The following PHLPP1 variants were observed in gnomAD, a reference collection of about 807,000 sequenced individuals.
PHLPP1 encodes PH domain leucine-rich repeat-containing protein phosphatase 1.
PHLPP1 carries 42 observed loss-of-function variants against 117.2 expected under a neutral mutation model. The ratio of observed to expected loss-of-function variants is 0.36; its 90% CI spans 0.28 to 0.46. PHLPP1 has a LOEUF of 0.46. Among genes scored for constraint, PHLPP1 ranks in the 20% least tolerant of loss-of-function variants. The probability of loss-of-function intolerance (pLI) is 1.00; values close to 1 mark genes in which losing one functional copy is unlikely to be tolerated. For synonymous variants in PHLPP1, 1,042 were observed against 970.7 expected, an observed-to-expected ratio of 1.07 and a Z score of -1.37; for missense variants, 2,084 against 2,241.9, an observed-to-expected ratio of 0.93 and a Z score of 1.42.
intron 1 of PHLPP1, among the ~76,000 whole-genome samples, chr18:62,812,869 C>T (rs1357145756): frequency 1.3e-5 from 2 of 152,074 alleles, no homozygotes; most frequent in Non-Finnish European, 2.9e-5. Context: ...GAAGCTAAAC[C>T]TACGGAACTG....
chr18:62,789,367 TAGCTGTATTGATCAA>T (rs1913391585), intron 1 of PHLPP1, among the ~76,000 whole-genome samples: 1 of 152,244 alleles, frequency 6.6e-6, no homozygotes, highest in Non-Finnish European at 1.5e-5. Context: ...GTGTTGTGTG[TAGCTGTATTGATCAA>T]ATGACAGATT....
chr18:62,956,656 T>G (rs896686658), intron 12 of PHLPP1, among the ~76,000 whole-genome samples: 1 of 152,170 alleles, frequency 6.6e-6, no homozygotes, highest in African/African-American at 2.4e-5. Flanking sequence ...ACCCTGGGTG[T>G]GTTAGGGTGG....
intron 4 of PHLPP1, among the ~76,000 whole-genome samples, chr18:62,866,986 A>G (rs1338314562): frequency 6.6e-6 from 1 of 152,162 alleles, no homozygotes; most frequent in African/African-American, 2.4e-5. Context: ...TCTGCAGGTT[A>G]GCCCTATTTT....
At chr18:62,961,750 T>G (rs1447458566) in intron 13 of PHLPP1, among the ~76,000 whole-genome samples, 1 of 152,238 alleles carries the variant, frequency 6.6e-6, no homozygotes, top group Non-Finnish European at 1.5e-5. Flanking sequence ...AGCTCCAGCC[T>G]TATTGTAAAA....
chr18:62,881,393 T>G (rs1188761208), intron 4 of PHLPP1, among the ~76,000 whole-genome samples: 1 of 152,246 alleles, frequency 6.6e-6, no homozygotes, highest in Non-Finnish European at 1.5e-5. Context: ...TGAAAAATTA[T>G]GAGTTTTAGC....
Position 62,715,940 on chromosome 18 carries a change from G to A in PHLPP1, c.257G>A (p.Arg86Lys). 1 of 1,150,488 alleles carries A rather than the reference G, an allele frequency of 8.7e-7. No homozygotes were observed. Among genetic ancestry groups the A allele is most frequent in the Non-Finnish European group, 1.1e-6 (1 of 934,158 alleles). The allele number at this position is 1,150,488 out of a possible 1,614,324, so 71.3% of individuals were successfully genotyped here. A position where few individuals can be genotyped will look rare whatever the true frequency, so the allele number is the denominator to read the frequency against. ...GCGCCGCCGGGGCCGCTGCCGGGCA[G>A]AGCGGGGGGTGCCGGGCGCAGGAGG... ...GEAPPGPLPGRAGGAGRRRRR... is the reference protein window; with the variant it reads ...GEAPPGPLPGKAGGAGRRRRR... Residue 86 changes from arginine (R) to lysine (K), a missense_variant, in exon 1 of 17, where the codon AGA (arginine) becomes AAA (lysine). By Grantham distance (26) the Arg-to-Lys change is conservative. Transcript: ENST00000262719.
chr18:62,917,349 A>G (rs1463687156), intron 9 of PHLPP1, among the ~76,000 whole-genome samples: 1 of 151,142 alleles, frequency 6.6e-6, no homozygotes, highest in East Asian at 1.9e-4. Context: ...TGCTTATTCA[A>G]TGCAAATCCC....
At chr18:62,901,006 C>G (rs1916710842) in intron 6 of PHLPP1, among the ~76,000 whole-genome samples, 1 of 152,180 alleles carries the variant, frequency 6.6e-6, no homozygotes, top group African/African-American at 2.4e-5. Context: ...CTTGGTATTT[C>G]AGTCATGGTG....
intron 4 of PHLPP1, among the ~76,000 whole-genome samples, chr18:62,892,638 A>T (rs190925347): frequency 0.02 from 3,028 of 151,750 alleles, 41 homozygotes; most frequent in Middle Eastern, 0.058. Flanking sequence ...GCACTTTGAG[A>T]GGCTGAGGCG....
chr18:62,732,662 A>G (rs1192384268), intron 1 of PHLPP1, among the ~76,000 whole-genome samples: 1 of 152,236 alleles, frequency 6.6e-6, no homozygotes, highest in African/African-American at 2.4e-5. Context: ...GCTGCCATAG[A>G]TAGTAATTCC....
chr18:62,839,002 CA>C, intron 3 of PHLPP1, 93 bp downstream of exon 3: 1 of 1,349,188 alleles, frequency 7.4e-7, no homozygotes, highest in Non-Finnish European at 1.0e-6. Context: ...TGGTTAGTTA[CA>C]CACACTTTTT....
chr18:62,830,740 T>C (rs1164666714), intron 2 of PHLPP1, among the ~76,000 whole-genome samples: 1 of 152,170 alleles, frequency 6.6e-6, no homozygotes, highest in Non-Finnish European at 1.5e-5. Flanking sequence ...ATTGTTTCAT[T>C]AGTTATGTGC....
chr18:62,952,822 A>G (rs1439530862), intron 12 of PHLPP1, among the ~76,000 whole-genome samples: 1 of 152,096 alleles, frequency 6.6e-6, no homozygotes, highest in African/African-American at 2.4e-5. Context: ...TGGTCTTGCT[A>G]TATTACCCAG....
intron 15 of PHLPP1, among the ~76,000 whole-genome samples, chr18:62,973,783 C>G (rs1911118157): frequency 6.6e-6 from 1 of 152,164 alleles, no homozygotes. Flanking sequence ...ATGTACCAGT[C>G]ATTGTTCTAA....
intron 4 of PHLPP1, among the ~76,000 whole-genome samples, chr18:62,866,792 C>G (rs931655923): frequency 5.9e-5 from 9 of 152,204 alleles, no homozygotes; most frequent in Admixed American, 5.2e-4. Context: ...GAGTCACCGA[C>G]TTGATCCCCC....
At chr18:62,817,661 T>A (rs1020455075) in intron 1 of PHLPP1, among the ~76,000 whole-genome samples, 2 of 151,692 alleles carry the variant, frequency 1.3e-5, no homozygotes, top group Middle Eastern at 3.4e-3. Flanking sequence ...AGAAAAAAAA[T>A]TTAAAATAAT....
chr18:62,923,940 A>T (rs1909548627), intron 10 of PHLPP1, among the ~76,000 whole-genome samples: 1 of 152,228 alleles, frequency 6.6e-6, no homozygotes, highest in Non-Finnish European at 1.5e-5. Context: ...TGTAGCAGAC[A>T]TCTCAATGAG....
Position 62,796,829 on chromosome 18 carries a change from A to G in PHLPP1, c.1577-33206A>G, listed in dbSNP as rs866494453. On this transcript the variant is annotated intron_variant, in intron 1 of 16. Coordinates refer to ENST00000262719, the MANE Select transcript of PHLPP1 (RefSeq NM_194449.4). ...CAGCCATCTGCTGGAAGAGAGAATA[A>G]ACTTGTTATGAATTTACAGTTGTTT... Among the ~76,000 whole-genome samples the G allele has an allele frequency of 3.3e-5, 5 of 152,332 alleles. No individual in the cohort carries two copies. In the South Asian group the frequency reaches 8.3e-4, roughly 25 times the overall value.
Position 62,978,951 on chromosome 18 carries a change from CA to C in PHLPP1, c.4676del (p.Asn1559ThrfsTer78). ...AGGAGCCCATCGAGGGCGTCTTCAC[CA>C]ACGGCAGCCGGGTGGAGGTGGAGGT... ...DEEPIEGVFT[N>X]GSRVEVEVDI... is the part of the protein sequence containing the mutation. On this transcript the variant is annotated frameshift_variant, in exon 17 of 17. Coordinates refer to ENST00000262719, the MANE Select transcript of PHLPP1 (RefSeq NM_194449.4). LOFTEE classifies it low-confidence loss of function (END_TRUNC). The surrounding 1 kb of genome is among the most constrained non-coding windows in gnomAD (Gnocchi z 7.0). 2 of 1,610,204 alleles carry C rather than the reference CA, an allele frequency of 1.2e-6. No homozygotes were observed. The highest frequency in any genetic ancestry group is 1.7e-6 in the Non-Finnish European group (2 of 1,178,358).
Sources: allele counts gnomAD v4.1 joint callset (sites outside exome capture counted in the v4.1 genomes callset), GRCh38; gene constraint gnomAD v4.1.1; non-coding constraint Gnocchi (gnomAD v3.1); transcripts MANE v1.5; gene names NCBI Gene and HGNC (gene_info 2026-07-23, HGNC 2026-07-21).